Variants in ATP5PF observed in about 807,000 individuals in gnomAD.
ATP5PF encodes ATP synthase peripheral stalk subunit F6, mitochondrial.
ATP5PF carries 7 observed loss-of-function variants against 12.0 expected under a neutral mutation model. The observed-to-expected ratio is 0.58, with a 90% CI of 0.33 to 1.10. The LOEUF (loss-of-function observed/expected upper bound fraction) is 1.10. Among genes scored for constraint, ATP5PF ranks in the 50% least tolerant of loss-of-function variants. The probability of loss-of-function intolerance (pLI) is 0.03; values close to 1 mark genes in which losing one functional copy is unlikely to be tolerated. For missense variants in ATP5PF, 120 were observed against 127.7 expected, an observed-to-expected ratio of 0.94 and a Z score of 0.29; for synonymous variants, 41 against 45.4, an observed-to-expected ratio of 0.90 and a Z score of 0.39.
Position 25,729,677 on chromosome 21 carries a change from G to A in ATP5PF, c.118C>T (p.Gln40Ter). The A allele has an allele frequency of 6.2e-7, 1 of 1,613,576 alleles. No homozygotes were observed. Among genetic ancestry groups the A allele is most frequent in the African/African-American group, 1.3e-5 (1 of 75,012 alleles). The change falls in exon 2 of 4, where the codon CAG (glutamine) becomes TAG (stop). Residue 40 changes from glutamine (Q) to a stop codon, truncating the protein, a stop_gained. Coordinates refer to ENST00000284971, the MANE Select transcript of ATP5PF (RefSeq NM_001003703.2). LOFTEE classifies it high-confidence loss of function. ...VAFNKELDPIQKLFVDKIREY... is the reference protein window; with the variant it reads ...VAFNKELDPI Reference sequence around the variant, plus strand: ...CTAATCTTGTCCACAAAGAGTTTCTGTATAGGATCAAGTTCCTTATTAAAT... The same window carrying A: ...CTAATCTTGTCCACAAAGAGTTTCTATATAGGATCAAGTTCCTTATTAAAT...
At chr21:25,732,929 C>T (rs928842616) in intron 1 of ATP5PF, among the ~76,000 whole-genome samples, 7 of 137,292 alleles carry the variant, frequency 5.1e-5, no homozygotes, top group Non-Finnish European at 9.1e-5. Flanking sequence ...TTGCGGTGAG[C>T]CGAGATCGCG....
chr21:25,725,501 A>G (rs542155023), intron 2 of ATP5PF, 151 bp from the exon 3 acceptor site: 4 of 862,346 alleles, frequency 4.6e-6, no homozygotes, highest in Non-Finnish European at 6.7e-6. Context: ...GTGCGGTAGC[A>G]TGATCTTGGC....
Position 25,734,875 on chromosome 21 carries a change from C to G in ATP5PF, c.-30G>C. 6.5e-7 allele frequency: 1 copy of G among 1,546,930 alleles called. No individual in the cohort carries two copies. Among genetic ancestry groups the G allele is most frequent in the East Asian group, 2.4e-5 (1 of 41,204 alleles). On this transcript the variant is annotated 5_prime_UTR_variant, in exon 1 of 4. Coordinates refer to ENST00000284971, the MANE Select transcript of ATP5PF (RefSeq NM_001003703.2). ...CACCTTGCACTCAGTCCCGAGCTGCCAAAGCCTCCGCCGCCACCACCTCCG... is the reference window on the plus strand; with the variant it reads ...CACCTTGCACTCAGTCCCGAGCTGCGAAAGCCTCCGCCGCCACCACCTCCG...
chr21:25,727,364 T>C (rs1029138099), intron 2 of ATP5PF, among the ~76,000 whole-genome samples: 1 of 152,244 alleles, frequency 6.6e-6, no homozygotes, highest in African/African-American at 2.4e-5. Flanking sequence ...TCTCACATGA[T>C]GCCTAGGACA....
chr21:25,725,638 C>A (rs2034599425), intron 2 of ATP5PF, among the ~76,000 whole-genome samples: 1 of 152,104 alleles, frequency 6.6e-6, no homozygotes. Flanking sequence ...GGGGGTTTCA[C>A]CATGTTAACC....
At chr21:25,726,403 T>G (rs1273916494) in intron 2 of ATP5PF, among the ~76,000 whole-genome samples, 1 of 152,240 alleles carries the variant, frequency 6.6e-6, no homozygotes, top group Non-Finnish European at 1.5e-5. Flanking sequence ...AGATTACTTT[T>G]GCTAAGCTAA....
chr21:25,734,349 G>A, intron 1 of ATP5PF: 1 of 986,554 alleles, frequency 1.0e-6, no homozygotes, highest in South Asian at 4.6e-5. Context: ...AAGGTTAGTA[G>A]GTTCGCTGCC....
At position 25,734,868 on chromosome 21, in the gene ATP5PF, G is replaced by T; in HGVS notation, c.-23C>A. 6.5e-7 allele frequency: 1 copy of T among 1,544,444 alleles called. No homozygotes were observed. ...TCCCAGTCACCTTGCACTCAGTCCC[G>T]AGCTGCCAAAGCCTCCGCCGCCACC... is the stretch of plus-strand genomic sequence containing the variant. On this transcript the variant is annotated 5_prime_UTR_variant, in exon 1 of 4. Coordinates refer to ENST00000284971, the MANE Select transcript of ATP5PF (RefSeq NM_001003703.2).
intron 1 of ATP5PF, among the ~76,000 whole-genome samples, chr21:25,731,323 A>T (rs1389266243): frequency 6.6e-6 from 1 of 152,206 alleles, no homozygotes; most frequent in East Asian, 1.9e-4. Flanking sequence ...CCGAGTCTAT[A>T]AACTGACAGG....
chr21:25,735,115 T>G, upstream of ATP5PF: 1 of 740,794 alleles, frequency 1.3e-6, no homozygotes, highest in South Asian at 1.5e-5. Flanking sequence ...CCATCTTTTC[T>G]TCGCCTAATT....
chr21:25,726,095 G>A (rs2034611774), intron 2 of ATP5PF, among the ~76,000 whole-genome samples: 1 of 152,150 alleles, frequency 6.6e-6, no homozygotes, highest in Non-Finnish European at 1.5e-5. Flanking sequence ...TCTACCAAAC[G>A]AGGGTGTAAA....
intron 1 of ATP5PF, 64 bp from the exon 2 acceptor site, chr21:25,729,865 C>A: frequency 6.7e-7 from 1 of 1,499,998 alleles, no homozygotes. Flanking sequence ...CTAAATATAT[C>A]ATGAGAATCA....
chr21:25,725,345 G>C lies in ATP5PF; in HGVS notation c.170C>G (p.Ser57Cys). The change falls in exon 3 of 4, where the codon TCT becomes TGT. Residue 57 changes from serine to cysteine, a missense_variant. Coordinates refer to ENST00000284971, the MANE Select transcript of ATP5PF (RefSeq NM_001003703.2). ...IREYKSKRQT[S>C]GGPVDASSEY... ...TGAACTAGCATCAACAGGTCCTCCA[G>C]ATGTCCTGTTAAGTAAATGAGCAAA... is the stretch of plus-strand genomic sequence containing the variant. The C allele has an allele frequency of 6.3e-7, 1 of 1,591,968 alleles. No homozygotes were observed. The highest frequency in any genetic ancestry group is 8.5e-7 in the Non-Finnish European group (1 of 1,174,484).
At chr21:25,726,868 A>G (rs143951445) in intron 2 of ATP5PF, among the ~76,000 whole-genome samples, 7 of 152,374 alleles carry the variant, frequency 4.6e-5, no homozygotes, top group Middle Eastern at 3.4e-3. Context: ...TGATCAAAGT[A>G]TACAGTCTTA....
At chr21:25,731,071 GT>G (rs1450631403) in intron 1 of ATP5PF, among the ~76,000 whole-genome samples, 37 of 152,128 alleles carry the variant, frequency 2.4e-4, no homozygotes, top group African/African-American at 8.7e-4. Context: ...GTGAAACCCT[GT>G]CTCCACTAAA....
intron 1 of ATP5PF, among the ~76,000 whole-genome samples, chr21:25,731,361 G>C (rs2034771401): frequency 6.6e-6 from 1 of 152,054 alleles, no homozygotes; most frequent in Non-Finnish European, 1.5e-5. Context: ...TTGGAACGGT[G>C]ACAAAAGGCT....
chr21:25,735,200 C>G (rs67850549), upstream of ATP5PF: 1,703 of 596,572 alleles, frequency 2.9e-3, 23 homozygotes, highest in African/African-American at 0.029. Context: ...TCCCCTAGTT[C>G]AAGCTCCCCT....
At chr21:25,728,979 C>T (rs1295475871) in intron 2 of ATP5PF, among the ~76,000 whole-genome samples, 2 of 146,864 alleles carry the variant, frequency 1.4e-5, no homozygotes, top group Non-Finnish European at 3.0e-5. Flanking sequence ...TGAATTGGTG[C>T]GCCTCACTGT....
chr21:25,724,624 A>G lies in ATP5PF; in HGVS notation c.*16T>C, dbSNP rs994744738. On this transcript the variant is annotated 3_prime_UTR_variant, in exon 4 of 4. Transcript: ENST00000284971. ...TAATCCGTGACAAATTACCAGATTA[A>G]TTTTACTTTATTTCTTCAGGCCTGG... 39 of 1,602,764 alleles carry G rather than the reference A, an allele frequency of 2.4e-5. No individual in the cohort carries two copies. Among genetic ancestry groups the G allele is most frequent in the Non-Finnish European group, 3.2e-5 (38 of 1,176,974 alleles).
Sources: allele counts gnomAD v4.1 joint callset (sites outside exome capture counted in the v4.1 genomes callset), GRCh38; gene constraint gnomAD v4.1.1; transcripts MANE v1.5; gene names NCBI Gene and HGNC (gene_info 2026-07-23, HGNC 2026-07-21).